PLEKHG1: variants seen among roughly 807,000 people sequenced by gnomAD.
PLEKHG1 encodes the protein pleckstrin homology domain-containing family G member 1.
A neutral mutation model predicts 100.8 loss-of-function variants in PLEKHG1; 44 were observed. That is an observed-to-expected ratio of 0.44 (90% CI 0.34 to 0.56). PLEKHG1 has a LOEUF of 0.56. Among genes scored for constraint, PLEKHG1 ranks in the 20% least tolerant of loss-of-function variants. The pLI is 0.01. For missense variants in PLEKHG1, 1,545 were observed against 1,720.9 expected, an observed-to-expected ratio of 0.90 and a Z score of 1.81; for synonymous variants, 640 against 662.5, an observed-to-expected ratio of 0.97 and a Z score of 0.52.
chr6:150,608,097 T>C (rs2128551862), intron 1 of PLEKHG1, among the ~76,000 whole-genome samples: 1 of 152,348 alleles, frequency 6.6e-6, no homozygotes. Context: ...AGATAATGAT[T>C]TTGTACACAT....
At chr6:150,755,706 AC>A (rs1783798866) in intron 2 of PLEKHG1, among the ~76,000 whole-genome samples, 1 of 152,068 alleles carries the variant, frequency 6.6e-6, no homozygotes, top group African/African-American at 2.4e-5. Context: ...TGAGTCCTAG[AC>A]CCAGACTGCC....
At chr6:150,822,061 G>A (rs182720149) in intron 13 of PLEKHG1, among the ~76,000 whole-genome samples, 35 of 138,626 alleles carry the variant, frequency 2.5e-4, no homozygotes, top group Non-Finnish European at 4.7e-4. Context: ...GGCTGGTCTC[G>A]AACTCCCAAC....
chr6:150,601,502 G>A (rs1468400308), intron 1 of PLEKHG1, among the ~76,000 whole-genome samples: 2 of 152,102 alleles, frequency 1.3e-5, no homozygotes, highest in Non-Finnish European at 2.9e-5. Context: ...ATTTAAGACA[G>A]AGAGAAAAGT....
intron 1 of PLEKHG1, among the ~76,000 whole-genome samples, chr6:150,637,628 T>C (rs983322357): frequency 1.3e-5 from 2 of 152,212 alleles, no homozygotes; most frequent in African/African-American, 4.8e-5. Flanking sequence ...CAATCTAGTG[T>C]AGCCAATAAG....
intron 2 of PLEKHG1, among the ~76,000 whole-genome samples, chr6:150,640,519 AT>A (rs1778208155): frequency 6.6e-6 from 1 of 151,594 alleles, no homozygotes. Context: ...CTTTTTCAGT[AT>A]TTTCTACCCC....
chr6:150,814,363 C>G (rs2128673283), intron 10 of PLEKHG1, among the ~76,000 whole-genome samples: 1 of 152,366 alleles, frequency 6.6e-6, no homozygotes. Flanking sequence ...GTGTGTGCCT[C>G]AGGAAGTTCC....
chr6:150,828,207 C>G, intron 14 of PLEKHG1: 1 of 1,613,902 alleles, frequency 6.2e-7, no homozygotes, highest in African/African-American at 1.3e-5. Context: ...TATTGGTCCT[C>G]TGAGTGTTTG....
In PLEKHG1 at chr6:150,667,613, T is replaced by C. The variant is rs533929970; in HGVS notation, c.-99+16827T>C. Among the ~76,000 whole-genome samples the C allele has an allele frequency of 3.3e-5, 5 of 152,374 alleles. No individual in the cohort carries two copies. In the South Asian group the frequency reaches 1.0e-3, roughly 32 times the overall value. On this transcript the variant is annotated intron_variant, in intron 3 of 3. Coordinates refer to the PLEKHG1 transcript ENST00000367326. ...TACTTTTTCCTATTTGCAACAGATT[T>C]GGCTAAACAATGTTTTATTAATTCA...
At chr6:150,725,509 A>G (rs1019445127) in intron 1 of PLEKHG1, among the ~76,000 whole-genome samples, 5 of 152,100 alleles carry the variant, frequency 3.3e-5, no homozygotes, top group African/African-American at 1.2e-4. Flanking sequence ...ATCTTTTCTC[A>G]TTCTTGATCT....
intron 3 of PLEKHG1, among the ~76,000 whole-genome samples, chr6:150,685,953 T>C (rs1670537213): frequency 1.3e-5 from 2 of 152,246 alleles, no homozygotes; most frequent in Non-Finnish European, 2.9e-5. Flanking sequence ...CTACAGCCAA[T>C]TCAATCTCAA....
intron 3 of PLEKHG1, among the ~76,000 whole-genome samples, chr6:150,715,765 T>A (rs1781403800): frequency 6.7e-6 from 1 of 148,162 alleles, no homozygotes; most frequent in Non-Finnish European, 1.5e-5. Flanking sequence ...ATTACAGGCG[T>A]GAGCCACCAT....
intron 14 of PLEKHG1, chr6:150,827,528 T>A (rs1776681786): frequency 7.2e-6 from 4 of 554,050 alleles, no homozygotes; most frequent in Non-Finnish European, 1.3e-5. Context: ...CGCCCGCCTC[T>A]GCCTTCCAAA....
At chr6:150,689,321 G>A (rs1780256224) in intron 3 of PLEKHG1, among the ~76,000 whole-genome samples, 1 of 151,978 alleles carries the variant, frequency 6.6e-6, no homozygotes, top group Non-Finnish European at 1.5e-5. Flanking sequence ...AATCCTTTAA[G>A]TATTTTTCAA....
intron 3 of PLEKHG1, among the ~76,000 whole-genome samples, chr6:150,668,208 T>G (rs943913003): frequency 6.6e-6 from 1 of 152,198 alleles, no homozygotes; most frequent in Non-Finnish European, 1.5e-5. Context: ...CATAAAGCAT[T>G]GGCTGCCCTA....
Position 150,831,487 on chromosome 6 carries a change from C to T in PLEKHG1, c.2376C>T (p.Leu792=). The T allele has an allele frequency of 6.2e-7, 1 of 1,614,146 alleles. No individual in the cohort carries two copies. Among genetic ancestry groups the T allele is most frequent in the East Asian group, 2.2e-5 (1 of 44,882 alleles). Residue 792 remains leucine, a synonymous_variant, in exon 15 of 16, where the codon CTC becomes CTT. Transcript: ENST00000358517. This position sits in a 1 kb window ranked among gnomAD's most constrained non-coding sequence, Gnocchi z 4.1. ...TTGTTTCCCAAGACAGCCTCCAGCTCAGTGAGGACGAAGCCCCTTACCATC... is the reference window on the plus strand; with the variant it reads ...TTGTTTCCCAAGACAGCCTCCAGCTTAGTGAGGACGAAGCCCCTTACCATC...
At position 150,831,080 on chromosome 6, in the gene PLEKHG1, A is replaced by G. The variant is rs368153179; in HGVS notation, c.1969A>G (p.Ile657Val). The G allele has an allele frequency of 6.8e-6, 11 of 1,614,002 alleles. No individual in the cohort carries two copies. The African/African-American group carries it at 1.1e-4, about 16-fold the overall frequency. The change falls in exon 15 of 16, where the codon ATA (isoleucine) becomes GTA (valine). Residue 657 changes from isoleucine to valine, a missense_variant. Ile to Val is a conservative substitution (Grantham distance 29). Transcript: ENST00000358517. The surrounding 1 kb of genome is among the most constrained non-coding windows in gnomAD (Gnocchi z 4.1). ...ATCCATAGAGTTGACTATTGATGACATAGACCATGTCTATGATAACATCAG... is the reference window on the plus strand; with the variant it reads ...ATCCATAGAGTTGACTATTGATGACGTAGACCATGTCTATGATAACATCAG...
At chr6:150,733,335 A>T (rs145026951) in intron 1 of PLEKHG1, among the ~76,000 whole-genome samples, 5 of 152,288 alleles carry the variant, frequency 3.3e-5, no homozygotes, top group African/African-American at 9.6e-5. Context: ...GGATTTTATT[A>T]AAGTGCACAC....
At chr6:150,814,636 G>A (rs899338363) in intron 10 of PLEKHG1, among the ~76,000 whole-genome samples, 4 of 148,346 alleles carry the variant, frequency 2.7e-5, no homozygotes, top group African/African-American at 7.5e-5. Flanking sequence ...ACATGACCAA[G>A]CCTGGATTGG....
intron 4 of PLEKHG1, among the ~76,000 whole-genome samples, chr6:150,795,050 G>C (rs910878369): frequency 1.3e-5 from 2 of 152,006 alleles, no homozygotes; most frequent in Admixed American, 6.6e-5. Flanking sequence ...AAAAAAATTG[G>C]AGAATGTGAA....
Sources: allele counts gnomAD v4.1 joint callset (sites outside exome capture counted in the v4.1 genomes callset), GRCh38; gene constraint gnomAD v4.1.1; non-coding constraint Gnocchi (gnomAD v3.1); transcripts MANE v1.5; gene names NCBI Gene and HGNC (gene_info 2026-07-23, HGNC 2026-07-21).